Variants in CSK observed in about 807,000 individuals in gnomAD.
CSK encodes C-terminal Src kinase, also known as tyrosine-protein kinase CSK.
A neutral mutation model predicts 62.3 loss-of-function variants in CSK; 7 were observed. The observed-to-expected ratio is 0.11, with a 90% CI of 0.06 to 0.21. The LOEUF is 0.21. CSK is among the 10% of genes least tolerant of loss of function. The pLI is 1.00. For missense variants in CSK, 294 were observed against 613.5 expected (o/e 0.48, Z 5.50); for synonymous variants, 237 against 246.0 (o/e 0.96, Z 0.34).
At chr15:74,799,228 A>G (rs772755303) in intron 4 of CSK, 44 bp from the exon 5 acceptor site, 3 of 1,568,476 alleles carry the variant, frequency 1.9e-6, no homozygotes, top group Non-Finnish European at 2.6e-6. Context: ...AGCCAGGGTC[A>G]GTACCTTTGG....
At chr15:74,799,614 G>T (rs1040359596) in intron 5 of CSK, 123 bp downstream of exon 5, 17 of 991,460 alleles carry the variant, frequency 1.7e-5, no homozygotes, top group Non-Finnish European at 2.4e-5. Context: ...GGCAACTTCT[G>T]TGAGCCCTTG....
At chr15:74,791,120 G>A (rs2063613868) in intron 1 of CSK, among the ~76,000 whole-genome samples, 1 of 152,184 alleles carries the variant, frequency 6.6e-6, no homozygotes, top group East Asian at 1.9e-4. Flanking sequence ...TCATCCTAGA[G>A]GCAACCTCTG....
intron 1 of CSK, among the ~76,000 whole-genome samples, chr15:74,796,675 G>A (rs1011103195): frequency 6.6e-6 from 1 of 152,034 alleles, no homozygotes; most frequent in Admixed American, 6.6e-5. Context: ...TTGTTCAAGT[G>A]TGCACTATAC....
In CSK at chr15:74,802,339, G is replaced by A; in HGVS notation, c.1179G>A (p.Lys393=). The change falls in exon 13 of 13, where the codon AAG becomes AAA. Residue 393 remains lysine, a synonymous_variant. Coordinates refer to ENST00000220003, the MANE Select transcript of CSK (RefSeq NM_004383.3). ...GRVPYPRIPL[K]DVVPRVEKGY... is the part of the protein sequence containing the mutation. ...CCTCCCCCTGGCCACAGCCCCTGAA[G>A]GACGTCGTCCCTCGGGTGGAGAAGG... 6.3e-7 allele frequency: 1 copy of A among 1,594,888 alleles called. No individual in the cohort carries two copies. Among genetic ancestry groups the A allele is most frequent in the Non-Finnish European group, 8.5e-7 (1 of 1,173,522 alleles).
chr15:74,792,433 G>A (rs1004808573), intron 1 of CSK, among the ~76,000 whole-genome samples: 2 of 152,306 alleles, frequency 1.3e-5, no homozygotes, highest in East Asian at 3.9e-4. Flanking sequence ...GTCCCAGAAA[G>A]GTCAAGTGAC....
chr15:74,784,837 G>C (rs2063492230), intron 1 of CSK, among the ~76,000 whole-genome samples: 1 of 152,194 alleles, frequency 6.6e-6, no homozygotes, highest in Admixed American at 6.5e-5. Flanking sequence ...ACCTTGACAG[G>C]TCATCTTCAA....
At chr15:74,794,600 C>T (rs1299656145) in intron 1 of CSK, among the ~76,000 whole-genome samples, 3 of 152,122 alleles carry the variant, frequency 2.0e-5, no homozygotes, top group Admixed American at 1.3e-4. Flanking sequence ...GGGGCAGGGG[C>T]GCACCAGACA....
intron 1 of CSK, among the ~76,000 whole-genome samples, chr15:74,795,736 G>C (rs1300090610): frequency 6.6e-6 from 1 of 152,130 alleles, no homozygotes; most frequent in Non-Finnish European, 1.5e-5. Context: ...CACAGGGGTT[G>C]AGGGCATCAA....
rs149657503 is a variant in CSK at position 74,801,054 on chromosome 15, C to T, written c.765C>T (p.Ile255=). The stretch of plus-strand genomic sequence containing the variant: ...ACCTGGTGCAGCTCCTGGGCGTGAT[C>T]GTGGAGGAGAAGGGCGGGCTCTACA... The part of the protein sequence containing the change: ...HSNLVQLLGV[I]VEEKGGLYIV... The change falls in exon 9 of 13, where the codon ATC becomes ATT. Residue 255 remains isoleucine (I), a synonymous_variant. Transcript: ENST00000220003. 1,588 of 1,613,316 alleles carry T rather than the reference C, an allele frequency of 9.8e-4. 6 individuals are homozygous for T. The highest frequency in any genetic ancestry group is 9.7e-3 in the East Asian group (434 of 44,878).
In CSK at chr15:74,798,894, G is replaced by T; in HGVS notation, c.198G>T (p.Gln66His). ...GCATCATCCCAGCCAACTACGTCCAGAAGCGGGAGGGCGTGAAGGCGGGTA... is the reference window on the plus strand; with the variant it reads ...GCATCATCCCAGCCAACTACGTCCATAAGCGGGAGGGCGTGAAGGCGGGTA... ...REGIIPANYV[Q>H]KREGVKAGTK... is the part of the protein sequence containing the mutation. Residue 66 changes from glutamine (Q) to histidine (H), a missense_variant, in exon 4 of 13, where the codon CAG (glutamine) becomes CAT (histidine). Transcript: ENST00000220003. The surrounding 1 kb of genome is among the most constrained non-coding windows in gnomAD (Gnocchi z 6.6). 1 of 1,544,668 alleles carries T rather than the reference G, an allele frequency of 6.5e-7. No individual in the cohort carries two copies. The highest frequency in any genetic ancestry group is 8.7e-7 in the Non-Finnish European group (1 of 1,146,566).
chr15:74,791,078 G>A (rs2063613304), intron 1 of CSK: 1 of 152,210 alleles, frequency 6.6e-6, no homozygotes, highest in Non-Finnish European at 1.5e-5. Flanking sequence ...TAAAAAGTAA[G>A]TTTCTCTTGA....
rs1442744204 is a variant in CSK at position 74,803,090 on chromosome 15, C to G, written c.*577C>G. 6.5e-6 allele frequency: 1 copy of G among 153,326 alleles called. No individual in the cohort carries two copies. Among genetic ancestry groups the G allele is most frequent in the African/African-American group, 2.4e-5 (1 of 41,464 alleles). 9.5% of individuals were successfully genotyped at this position (153,326 alleles called of 1,614,324 possible). ...GCCCGAGGCAGACGTCTGTCAGGGGCTTGGATTTCGTGTGCCGCTGCCACC... is the reference window on the plus strand; with the variant it reads ...GCCCGAGGCAGACGTCTGTCAGGGGGTTGGATTTCGTGTGCCGCTGCCACC... On this transcript the variant is annotated 3_prime_UTR_variant, in exon 13 of 13. Transcript: ENST00000220003.
At position 74,786,966 on chromosome 15, in the gene CSK, C is replaced by T. The variant is rs559399788; in HGVS notation, c.-66+4246C>T. Among the ~76,000 whole-genome samples, 15 of 152,334 alleles carry T rather than the reference C, an allele frequency of 9.8e-5. No individual in the cohort carries two copies. The South Asian group carries it at 3.1e-3, about 32-fold the overall frequency. On this transcript the variant is annotated intron_variant, in intron 1 of 12. Transcript: ENST00000220003. ...GGAAGTGGGCATGACAACTGCCCTC[C>T]TGTCCCACAGCTTGGGATGGGATGA... is the stretch of plus-strand genomic sequence containing the variant.
chr15:74,789,387 G>T (rs1596368219), intron 1 of CSK, among the ~76,000 whole-genome samples: 1 of 152,196 alleles, frequency 6.6e-6, no homozygotes, highest in Non-Finnish European at 1.5e-5. Flanking sequence ...AGGCTGCGGG[G>T]GTCAGTGGAA....
At chr15:74,799,898 G>A (rs1256351682) in intron 5 of CSK, among the ~76,000 whole-genome samples, 1 of 152,164 alleles carries the variant, frequency 6.6e-6, no homozygotes, top group East Asian at 1.9e-4. Context: ...CGCCTTGATC[G>A]CCAGGGCCCC....
In CSK at chr15:74,798,255, G is replaced by A. The variant is rs751618916; in HGVS notation, c.-43G>A. ...CAGCTCTAATGGTACCAAGTGACAGGTTGGCTTTACTGTGACTCGGGGACG... is the reference window on the plus strand; with the variant it reads ...CAGCTCTAATGGTACCAAGTGACAGATTGGCTTTACTGTGACTCGGGGACG... On this transcript the variant is annotated 5_prime_UTR_variant, in exon 2 of 13. Transcript: ENST00000220003. This position sits in a 1 kb window ranked among gnomAD's most constrained non-coding sequence, Gnocchi z 6.6. 6.5e-7 allele frequency: 1 copy of A among 1,541,178 alleles called. No homozygotes were observed. The highest frequency in any genetic ancestry group is 2.0e-5 in the Admixed American group (1 of 49,850).
At chr15:74,799,240 C>T in intron 4 of CSK, 32 bp from the exon 5 acceptor site, 1 of 1,582,182 alleles carries the variant, frequency 6.3e-7, no homozygotes, top group Non-Finnish European at 8.6e-7. Flanking sequence ...TACCTTTGGG[C>T]CACCATGACC....
chr15:74,784,849 G>T (rs555183166), intron 1 of CSK, among the ~76,000 whole-genome samples: 1 of 152,204 alleles, frequency 6.6e-6, no homozygotes, highest in African/African-American at 2.4e-5. Context: ...CATCTTCAAA[G>T]AGCCAGGGAT....
intron 1 of CSK, among the ~76,000 whole-genome samples, chr15:74,794,877 G>A (rs1310892708): frequency 2.0e-5 from 3 of 152,150 alleles, no homozygotes; most frequent in African/African-American, 4.8e-5. Context: ...CGCCCTTGGA[G>A]TCAAACCCTG....
Sources: gnomAD v4.1 joint callset for allele counts (sites outside exome capture counted in the v4.1 genomes callset) on GRCh38, gnomAD v4.1.1 for gene constraint, Gnocchi (gnomAD v3.1) non-coding constraint, MANE v1.5 for transcripts, NCBI Gene and HGNC (gene_info 2026-07-23, HGNC 2026-07-21) for gene names.